The following ARID4B variants were observed in gnomAD, a reference collection of about 807,000 sequenced individuals.
ARID4B encodes the protein AT-rich interaction domain 4B, also known as AT-rich interactive domain-containing protein 4B.
ARID4B carries 26 observed loss-of-function variants against 147.5 expected under a neutral mutation model. The ratio of observed to expected loss-of-function variants is 0.18; its 90% confidence interval spans 0.13 to 0.24. The LOEUF is 0.24. Ranked by LOEUF, ARID4B falls within the 10% of genes least tolerant of loss-of-function variation. ARID4B has a pLI of 1.00. For missense variants in ARID4B, 1,179 were observed against 1,511.5 expected (o/e 0.78, Z 3.65); for synonymous variants, 512 against 507.9 (o/e 1.01, Z -0.11).
At chr1:235,305,481 G>A (rs1673478399) in intron 2 of ARID4B, among the ~76,000 whole-genome samples, 1 of 152,106 alleles carries the variant, frequency 6.6e-6, no homozygotes, top group Non-Finnish European at 1.5e-5. Flanking sequence ...TATTAAAGAG[G>A]CAGAAACAGC....
intron 2 of ARID4B, among the ~76,000 whole-genome samples, chr1:235,317,096 C>T (rs1478871766): frequency 6.6e-6 from 1 of 152,122 alleles, no homozygotes; most frequent in Admixed American, 6.6e-5. Flanking sequence ...TAAATGTTAA[C>T]ATTTCAGAAA....
At chr1:235,295,251 T>C (rs1672611725) in intron 2 of ARID4B, among the ~76,000 whole-genome samples, 1 of 152,240 alleles carries the variant, frequency 6.6e-6, no homozygotes, top group African/African-American at 2.4e-5. Flanking sequence ...GGCTCACGCC[T>C]GTAATCCCAC....
intron 2 of ARID4B, among the ~76,000 whole-genome samples, chr1:235,309,767 T>G (rs916665495): frequency 6.6e-6 from 1 of 152,146 alleles, no homozygotes; most frequent in Non-Finnish European, 1.5e-5. Context: ...AGAAATCAGA[T>G]GGTTGCCGTG....
chr1:235,240,681 G>A (rs1668925928), intron 7 of ARID4B, among the ~76,000 whole-genome samples: 1 of 152,110 alleles, frequency 6.6e-6, no homozygotes, highest in Non-Finnish European at 1.5e-5. Flanking sequence ...TAGTGCTACT[G>A]TAAAAAATTG....
chr1:235,260,125 T>C (rs952825434), intron 3 of ARID4B, among the ~76,000 whole-genome samples: 6 of 152,240 alleles, frequency 3.9e-5, no homozygotes, highest in Non-Finnish European at 7.3e-5. Context: ...TTTAGAAAGA[T>C]GTTTCAAGAA....
In ARID4B at chr1:235,181,858, T is replaced by G; in HGVS notation, c.3061A>C (p.Asn1021His). ...FPSSGSNSVL[N>H]TPPTTPESPS... ...GATTCAGGTGTAGTAGGAGGGGTAT[T>G]TAGCACTGAATTACTGCCACTACTT... The change falls in exon 20 of 24, where the codon AAT (asparagine) becomes CAT (histidine). Residue 1021 changes from asparagine (N) to histidine (H), a missense_variant. Asn to His is a moderately conservative substitution (Grantham distance 68). Coordinates refer to ENST00000264183, the MANE Select transcript of ARID4B (RefSeq NM_016374.6). 1 of 1,614,200 alleles carries G rather than the reference T, an allele frequency of 6.2e-7. No individual in the cohort carries two copies. Among genetic ancestry groups the G allele is most frequent in the South Asian group, 1.1e-5 (1 of 91,090 alleles).
At chr1:235,267,537 A>C (rs1326518757) in intron 2 of ARID4B, among the ~76,000 whole-genome samples, 1 of 152,176 alleles carries the variant, frequency 6.6e-6, no homozygotes, top group African/African-American at 2.4e-5. Context: ...CATCGAGGAA[A>C]TGAAGAAAAC....
intron 2 of ARID4B, among the ~76,000 whole-genome samples, chr1:235,296,491 A>T (rs2103228684): frequency 6.6e-6 from 1 of 151,004 alleles, no homozygotes; most frequent in South Asian, 2.1e-4. Context: ...TTTTTTTTTG[A>T]GACAGGGTCT....
chr1:235,259,321 GGCC>G (rs1670160435), intron 3 of ARID4B, among the ~76,000 whole-genome samples: 2 of 152,170 alleles, frequency 1.3e-5, no homozygotes, highest in Admixed American at 1.3e-4. Context: ...TTGCTTTGTG[GGCC>G]AAAGCATGGG....
intron 23 of ARID4B, among the ~76,000 whole-genome samples, chr1:235,168,853 C>A (rs1446322494): frequency 6.6e-6 from 1 of 152,132 alleles, no homozygotes; most frequent in East Asian, 1.9e-4. Flanking sequence ...CAGTGCCCAA[C>A]TACAGAAGTA....
chr1:235,271,579 G>A (rs1212202754), intron 2 of ARID4B, among the ~76,000 whole-genome samples: 2 of 151,780 alleles, frequency 1.3e-5, no homozygotes, highest in Admixed American at 6.6e-5. Context: ...GCAGTGAGCC[G>A]AGTTTGCACC....
At chr1:235,242,881 C>T (rs1669079324) in intron 7 of ARID4B, among the ~76,000 whole-genome samples, 1 of 152,164 alleles carries the variant, frequency 6.6e-6, no homozygotes, top group African/African-American at 2.4e-5. Flanking sequence ...CTTTGTTCCA[C>T]CTTATTCAAA....
At chr1:235,206,421 A>G (rs551561986) in intron 17 of ARID4B, among the ~76,000 whole-genome samples, 129 of 152,272 alleles carry the variant, frequency 8.5e-4, no homozygotes, top group African/African-American at 2.9e-3. Flanking sequence ...GAAAAATTCA[A>G]TATCAGAATT....
chr1:235,173,758 AAAAAAAAAAAAAAATAT>A (rs1295765572), intron 22 of ARID4B, among the ~76,000 whole-genome samples: 13 of 51,886 alleles, frequency 2.5e-4, no homozygotes, highest in African/African-American at 8.9e-4. Flanking sequence ...AAAAAAAAAA[AAAAAAAAAAAAAAATAT>A]ATATATATAT....
chr1:235,182,821 G>A (rs1476616176), intron 19 of ARID4B, 28 bp from the exon 20 acceptor site: 1 of 1,554,344 alleles, frequency 6.4e-7, no homozygotes, highest in East Asian at 2.2e-5. Flanking sequence ...AAAAAATGAT[G>A]AGTATGATAA....
At chr1:235,212,521 A>T (rs547198376) in intron 17 of ARID4B, among the ~76,000 whole-genome samples, 1 of 152,312 alleles carries the variant, frequency 6.6e-6, no homozygotes, top group South Asian at 2.1e-4. Flanking sequence ...AATGGATCGG[A>T]CTGGTACTTT....
At chr1:235,225,629 G>A (rs952493012) in intron 11 of ARID4B, among the ~76,000 whole-genome samples, 1 of 152,216 alleles carries the variant, frequency 6.6e-6, no homozygotes, top group Non-Finnish European at 1.5e-5. Context: ...AGGAGTAACT[G>A]CAGAGAAAAT....
In ARID4B at chr1:235,234,348, T is replaced by G. The variant is rs1231911513; in HGVS notation, c.665+65A>C. The G allele has an allele frequency of 1.8e-5, 18 of 1,016,546 alleles. No homozygotes were observed. The African/African-American group carries it at 2.4e-4, about 14-fold the overall frequency. The allele number at this position is 1,016,546 out of a possible 1,614,324, so 63.0% of individuals were successfully genotyped here. On this transcript the variant is annotated intron_variant, in intron 9 of 23. Coordinates refer to ENST00000264183, the MANE Select transcript of ARID4B (RefSeq NM_016374.6). ...GAAATAACTAATTAATCATTTAACA[T>G]CCTAATTCAAAATAACAGCATATAT...
At chr1:235,246,608 A>C in intron 6 of ARID4B, 97 bp from the exon 7 acceptor site, 1 of 814,020 alleles carries the variant, frequency 1.2e-6, no homozygotes, top group Non-Finnish European at 2.0e-6. Context: ...TCAGATTTTG[A>C]GATTAAACTC....
Sources: gnomAD v4.1 joint callset for allele counts (sites outside exome capture counted in the v4.1 genomes callset) on GRCh38, gnomAD v4.1.1 for gene constraint, MANE v1.5 for transcripts, NCBI Gene and HGNC (gene_info 2026-07-23, HGNC 2026-07-21) for gene names.